Variants in TNFRSF4 observed in about 807,000 individuals in gnomAD.
TNFRSF4 encodes the protein TNF receptor superfamily member 4.
TNFRSF4 carries 21 observed loss-of-function variants against 29.5 expected under a neutral mutation model. The ratio of observed to expected loss-of-function variants is 0.71; its 90% CI spans 0.51 to 1.03. The LOEUF (loss-of-function observed/expected upper bound fraction) is 1.03. Among genes scored for constraint, TNFRSF4 ranks in the 50% least tolerant of loss-of-function variants. TNFRSF4 has a pLI of 0.00. For synonymous variants in TNFRSF4, 197 were observed against 172.7 expected (o/e 1.14, Z -1.10); for missense variants, 408 against 387.8 (o/e 1.05, Z -0.44).
At position 1,212,005 on chromosome 1, in the gene TNFRSF4, G is replaced by T. The variant is rs1425441641; in HGVS notation, c.571C>A (p.Pro191Thr). Residue 191 changes from proline (P) to threonine (T), a missense_variant, in exon 5 of 7, where the codon CCC becomes ACC. Coordinates refer to ENST00000379236, the MANE Select transcript of TNFRSF4 (RefSeq NM_003327.4). ...GPPARPITVQ[P>T]TEAWPRTSQG... is the part of the protein sequence containing the mutation. ...GAGGTTCTGGGCCAGGCTTCAGTGG[G>T]CTGGACAGTGATGGGCCTGGCCGGG... is the stretch of plus-strand genomic sequence containing the variant. 1 of 1,608,898 alleles carries T rather than the reference G, an allele frequency of 6.2e-7. No individual in the cohort carries two copies. Among genetic ancestry groups the T allele is most frequent in the Non-Finnish European group, 8.5e-7 (1 of 1,178,482 alleles).
rs749670386 is a variant in TNFRSF4, at chr1:1,214,144, G to T, written c.-17C>A. 6.4e-7 allele frequency: 1 copy of T among 1,565,016 alleles called. No individual in the cohort carries two copies. The highest frequency in any genetic ancestry group is 1.2e-5 in the South Asian group (1 of 86,556). On this transcript the variant is annotated 5_prime_UTR_variant, in exon 1 of 7. Transcript: ENST00000379236. The surrounding 1 kb of genome is among the most constrained non-coding windows in gnomAD (Gnocchi z 4.2). ...CACGCACATCCTCGTCTCTGCTGTC[G>T]CCAGAGTCTGGGTTTTCCTTGCGGG...
chr1:1,213,112 G>A lies in TNFRSF4; in HGVS notation c.269-19C>T, dbSNP rs193151776. ...CCACTTCCTGAGCAGGGGCCGGATGGGGGGGTGGTCAGGTGGGGGCTGTGG... is the reference window on the plus strand; with the variant it reads ...CCACTTCCTGAGCAGGGGCCGGATGAGGGGGTGGTCAGGTGGGGGCTGTGG... On this transcript the variant is annotated intron_variant, in intron 2 of 6. Transcript: ENST00000379236. 1.5e-5 allele frequency: 24 copies of A among 1,600,834 alleles called. No individual in the cohort carries two copies. Among genetic ancestry groups the A allele is most frequent in the South Asian group, 1.3e-4 (12 of 89,586 alleles).
In TNFRSF4 at chr1:1,213,677, G is replaced by C; in HGVS notation, c.254C>G (p.Thr85Arg). 1 of 1,593,576 alleles carries C rather than the reference G, an allele frequency of 6.3e-7. No individual in the cohort carries two copies. Among genetic ancestry groups the C allele is most frequent in the Non-Finnish European group, 8.5e-7 (1 of 1,171,032 alleles). Residue 85 changes from threonine (T) to arginine (R), a missense_variant, in exon 2 of 7, where the codon ACG (threonine) becomes AGG (arginine). Coordinates refer to ENST00000379236, the MANE Select transcript of TNFRSF4 (RefSeq NM_003327.4). ...VVSSKPCKPC[T>R]WCNLRSGSER... ...TGGGAGCTCACTGAGGTTACACCAC[G>C]TGCAGGGCTTGCACGGCTTGGAGCT...
chr1:1,212,306 C>T (rs1649180308), intron 4 of TNFRSF4, among the ~76,000 whole-genome samples, 168 bp from the exon 5 acceptor site: 1 of 152,054 alleles, frequency 6.6e-6, no homozygotes, highest in Admixed American at 6.5e-5. Context: ...CCCACAGGGG[C>T]CTCCAAGGCC....
intron 4 of TNFRSF4, among the ~76,000 whole-genome samples, chr1:1,212,376 G>A (rs1458659218): frequency 1.3e-5 from 2 of 149,326 alleles, no homozygotes; most frequent in Non-Finnish European, 3.0e-5. Flanking sequence ...GTGCCCCCAG[G>A]GCCTCCCAGC....
At chr1:1,212,966 C>G in intron 3 of TNFRSF4, 26 bp downstream of exon 3, 2 of 1,592,208 alleles carry the variant, frequency 1.3e-6, no homozygotes, top group Non-Finnish European at 1.7e-6. Flanking sequence ...ACACCCCCAA[C>G]CGCCGGCCGC....
rs1422934489 is a variant in TNFRSF4 at position 1,212,015 on chromosome 1, G to A, written c.561C>T (p.Ile187=). 2 of 1,610,266 alleles carry A rather than the reference G, an allele frequency of 1.2e-6. No homozygotes were observed. The highest frequency in any genetic ancestry group is 2.2e-5 in the South Asian group (2 of 90,684). The change falls in exon 5 of 7, where the codon ATC becomes ATT. Residue 187 remains isoleucine, a synonymous_variant. Coordinates refer to ENST00000379236, the MANE Select transcript of TNFRSF4 (RefSeq NM_003327.4). ...GCCAGGCTTCAGTGGGCTGGACAGT[G>A]ATGGGCCTGGCCGGGGGGCCCTGGG... ...QETQGPPARP[I]TVQPTEAWPR...
rs1480190358 is a variant in TNFRSF4, at chr1:1,211,527, G to A, written c.*28C>T. The A allele has an allele frequency of 6.8e-6, 10 of 1,480,342 alleles. No individual in the cohort carries two copies. The highest frequency in any genetic ancestry group is 8.9e-6 in the Non-Finnish European group (10 of 1,117,894). 91.7% of individuals were successfully genotyped at this position (1,480,342 alleles called of 1,614,324 possible). A position where few individuals can be genotyped will look rare whatever the true frequency, so the allele number is the denominator to read the frequency against. On this transcript the variant is annotated 3_prime_UTR_variant, in exon 7 of 7. Coordinates refer to ENST00000379236, the MANE Select transcript of TNFRSF4 (RefSeq NM_003327.4). ...ACCCTCCGGGCTCCAGCCTGGCGGG[G>A]CCCAGCGTCCACCTTGGTGGGCCCA... is the stretch of plus-strand genomic sequence containing the variant.
chr1:1,212,775 T>TG (rs1649229127), intron 3 of TNFRSF4, 71 bp from the exon 4 acceptor site: 1 of 1,359,658 alleles, frequency 7.4e-7, no homozygotes, highest in Admixed American at 2.5e-5. Flanking sequence ...GCAGAGCCTG[T>TG]GGGGCAGGCA....
intron 3 of TNFRSF4, 44 bp from the exon 4 acceptor site, chr1:1,212,748 G>C (rs369938262): frequency 6.8e-7 from 1 of 1,469,856 alleles, no homozygotes; most frequent in Non-Finnish European, 9.1e-7. Flanking sequence ...ACAGGCCCCG[G>C]GTGCTGGGGA....
At chr1:1,212,466 A>T (rs1007238203) in intron 4 of TNFRSF4, among the ~76,000 whole-genome samples, 172 bp downstream of exon 4, 1 of 150,830 alleles carries the variant, frequency 6.6e-6, no homozygotes, top group Non-Finnish European at 1.5e-5. Context: ...CTGCTCCCCA[A>T]CCAGGTCCAG....
At position 1,213,000 on chromosome 1, in the gene TNFRSF4, G is replaced by C; in HGVS notation, c.362C>G (p.Pro121Arg). The C allele has an allele frequency of 6.2e-7, 1 of 1,611,222 alleles. No individual in the cohort carries two copies. The highest frequency in any genetic ancestry group is 8.5e-7 in the Non-Finnish European group (1 of 1,179,246). The stretch of plus-strand genomic sequence containing the variant: ...GCAGCCACCGAGCTCACCAACTCCA[G>C]GCTTGTAGCTGTCCAGGGGCTGGGT... ...AGTQPLDSYK[P>R]GVDCAPCPPG... is the part of the protein sequence containing the mutation. Residue 121 changes from proline (P) to arginine (R), a missense_variant, in exon 3 of 7, where the codon CCT (proline) becomes CGT (arginine). By Grantham distance (103) the Pro-to-Arg change is moderately radical. Coordinates refer to ENST00000379236, the MANE Select transcript of TNFRSF4 (RefSeq NM_003327.4).
At position 1,212,698 on chromosome 1, in the gene TNFRSF4, G is replaced by A; in HGVS notation, c.377C>T (p.Ala126Val). ...GGAGAAGTGCCCTGGAGGGCAGGGG[G>A]CACAGTCTGCAACAAAGATAGGGTG... ...LDSYKPGVDC[A>V]PCPPGHFSPG... The change falls in exon 4 of 7, where the codon GCC becomes GTC. Residue 126 changes from alanine to valine, a missense_variant. By Grantham distance (64) the Ala-to-Val change is moderately conservative (BLOSUM62 0). Transcript: ENST00000379236. The A allele has an allele frequency of 6.4e-7, 1 of 1,557,454 alleles. No homozygotes were observed.
chr1:1,212,165 A>G (rs1359215533), intron 4 of TNFRSF4, 27 bp from the exon 5 acceptor site: 3 of 1,611,160 alleles, frequency 1.9e-6, no homozygotes, highest in Non-Finnish European at 2.5e-6. Flanking sequence ...GGTGTTGCTC[A>G]GGCCAGAAAC....
intron 2 of TNFRSF4, 193 bp downstream of exon 2, chr1:1,213,470 C>G: frequency 6.7e-7 from 1 of 1,484,752 alleles, no homozygotes; most frequent in Non-Finnish European, 8.9e-7. Context: ...CGAGTCTGGG[C>G]CCCCGGAGGG....
At chr1:1,213,193 A>G (rs1027230616) in intron 2 of TNFRSF4, 100 bp from the exon 3 acceptor site, 12 of 1,536,846 alleles carry the variant, frequency 7.8e-6, no homozygotes, top group Non-Finnish European at 1.0e-5. Context: ...CCCACCACAC[A>G]GAGGGCCGTG....
At position 1,214,126 on chromosome 1, in the gene TNFRSF4, ATCC is replaced by A. The variant is rs1649360052; in HGVS notation, c.-2_1del. 6.3e-7 allele frequency: 1 copy of A among 1,578,648 alleles called. No individual in the cohort carries two copies. The highest frequency in any genetic ancestry group is 2.3e-5 in the East Asian group (1 of 43,890). ...GCCCAGCCGCCGAGCCCCCACGCAC[ATCC>A]TCGTCTCTGCTGTCGCCAGAGTCTG... On this transcript the variant is annotated start_lost and start_retained_variant and 5_prime_UTR_variant, in exon 1 of 7. Transcript: ENST00000379236. This position sits in a 1 kb window ranked among gnomAD's most constrained non-coding sequence, Gnocchi z 4.2.
chr1:1,212,212 G>A, intron 4 of TNFRSF4, 74 bp from the exon 5 acceptor site: 1 of 1,518,172 alleles, frequency 6.6e-7, no homozygotes, highest in Non-Finnish European at 9.0e-7. Flanking sequence ...GGATAACAGG[G>A]TCCACGCTGG....
rs146733335 is a variant in TNFRSF4, at chr1:1,213,011, G to C, written c.351C>G (p.Asp117Glu). The C allele has an allele frequency of 6.2e-7, 1 of 1,611,632 alleles. No individual in the cohort carries two copies. Among genetic ancestry groups the C allele is most frequent in the Non-Finnish European group, 8.5e-7 (1 of 1,179,478 alleles). The part of the protein sequence containing the change: ...CRCRAGTQPL[D>E]SYKPGVDCAP... The stretch of plus-strand genomic sequence containing the variant: ...GCTCACCAACTCCAGGCTTGTAGCT[G>C]TCCAGGGGCTGGGTGCCCGCCCGGC... The change falls in exon 3 of 7, where the codon GAC becomes GAG. Residue 117 changes from aspartate to glutamate, a missense_variant. Physicochemically the swap from Asp to Glu is conservative, Grantham distance 45. Coordinates refer to ENST00000379236, the MANE Select transcript of TNFRSF4 (RefSeq NM_003327.4).
Sources: gnomAD v4.1 joint callset for allele counts (sites outside exome capture counted in the v4.1 genomes callset) on GRCh38, gnomAD v4.1.1 for gene constraint, Gnocchi (gnomAD v3.1) non-coding constraint, MANE v1.5 for transcripts, NCBI Gene and HGNC (gene_info 2026-07-23, HGNC 2026-07-21) for gene names.